The following PTPRN2 variants were observed in gnomAD, a reference collection of about 807,000 sequenced individuals.
The protein encoded by PTPRN2 is protein tyrosine phosphatase receptor type N2.
Under a neutral mutation model 118.8 loss-of-function variants are expected in PTPRN2, and 74 were observed. The observed-to-expected ratio is 0.62, with a 90% CI of 0.52 to 0.76. The LOEUF (loss-of-function observed/expected upper bound fraction) is 0.76, where lower values mean the gene tolerates loss of function less well. Ranked by LOEUF, PTPRN2 falls within the 30% of genes least tolerant of loss-of-function variation. The pLI is 0.00. For synonymous variants in PTPRN2, 641 were observed against 608.0 expected (o/e 1.05, Z -0.80); for missense variants, 1,481 against 1,394.4 (o/e 1.06, Z -0.99).
intron 6 of PTPRN2, among the ~76,000 whole-genome samples, chr7:158,148,980 C>G (rs71543649): frequency 3.0e-5 from 4 of 131,202 alleles, no homozygotes; most frequent in Admixed American, 7.4e-5. Flanking sequence ...GACACCCCAT[C>G]TCACGCCACA....
At chr7:158,318,874 AC>A (rs1802572469) in intron 2 of PTPRN2, among the ~76,000 whole-genome samples, 1 of 152,250 alleles carries the variant, frequency 6.6e-6, no homozygotes. Flanking sequence ...TAAGAGAAGC[AC>A]ATCTGTGAGT....
intron 3 of PTPRN2, among the ~76,000 whole-genome samples, chr7:158,315,774 C>T (rs758329951): frequency 1.2e-4 from 19 of 152,206 alleles, no homozygotes; most frequent in Non-Finnish European, 1.9e-4. Flanking sequence ...ATTAGATAGA[C>T]GTCTATGAAG....
At chr7:158,387,523 C>A in intron 2 of PTPRN2, among the ~76,000 whole-genome samples, 2 of 152,310 alleles carry the variant, frequency 1.3e-5, no homozygotes, top group African/African-American at 4.8e-5. Flanking sequence ...GGAAAGCACT[C>A]TCTGGGTCCT....
chr7:157,811,411 G>A (rs560495965), intron 12 of PTPRN2, among the ~76,000 whole-genome samples: 27 of 149,754 alleles, frequency 1.8e-4, no homozygotes, highest in African/African-American at 3.9e-4. Flanking sequence ...AAATCTCCAC[G>A]TGAAGTAGAT....
intron 2 of PTPRN2, among the ~76,000 whole-genome samples, chr7:158,337,182 C>A (rs1173599090): frequency 6.6e-6 from 1 of 152,102 alleles, no homozygotes; most frequent in African/African-American, 2.4e-5. Context: ...ACGTCACTCA[C>A]ACCGACACTC....
chr7:158,129,574 ACACAC>A (rs1029490975), intron 9 of PTPRN2, among the ~76,000 whole-genome samples: 5 of 151,894 alleles, frequency 3.3e-5, no homozygotes, highest in Non-Finnish European at 7.4e-5. Flanking sequence ...CACATGCAAC[ACACAC>A]CACACATCAC....
chr7:158,253,373 T>C (rs1796812259), intron 3 of PTPRN2, among the ~76,000 whole-genome samples: 2 of 152,242 alleles, frequency 1.3e-5, no homozygotes, highest in African/African-American at 2.4e-5. Flanking sequence ...GTGTTTCTTT[T>C]AACAACGTGC....
intron 12 of PTPRN2, among the ~76,000 whole-genome samples, chr7:157,759,024 C>A (rs886390306): frequency 6.6e-6 from 1 of 152,222 alleles, no homozygotes; most frequent in Non-Finnish European, 1.5e-5. Flanking sequence ...CAAGTCACAT[C>A]AAATAATTCC....
chr7:158,195,614 G>GT (rs200845569), intron 4 of PTPRN2, among the ~76,000 whole-genome samples: 7 of 113,240 alleles, frequency 6.2e-5, no homozygotes, highest in South Asian at 2.7e-4. Flanking sequence ...GCTCACTGGT[G>GT]TTTTTTATTT....
chr7:158,291,089 C>A (rs1216073999), intron 3 of PTPRN2, among the ~76,000 whole-genome samples: 1 of 152,188 alleles, frequency 6.6e-6, no homozygotes, highest in Non-Finnish European at 1.5e-5. Context: ...GAGTTGAGAA[C>A]CTCATGGCAG....
intron 6 of PTPRN2, among the ~76,000 whole-genome samples, chr7:158,148,977 C>A (rs1272276760): frequency 7.6e-6 from 1 of 131,886 alleles, no homozygotes; most frequent in Non-Finnish European, 1.6e-5. Context: ...AATGACACCC[C>A]ATCTCACGCC....
At chr7:157,915,562 C>T (rs1016607249) in intron 11 of PTPRN2, among the ~76,000 whole-genome samples, 5 of 151,882 alleles carry the variant, frequency 3.3e-5, no homozygotes, top group African/African-American at 1.2e-4. Context: ...TCACCATTAC[C>T]CTGCAGTCAT....
chr7:157,719,242 A>T (rs1224286312), intron 12 of PTPRN2, among the ~76,000 whole-genome samples: 1 of 152,220 alleles, frequency 6.6e-6, no homozygotes, highest in Non-Finnish European at 1.5e-5. Context: ...CTGAGCTTCC[A>T]GGCCCCTCGT....
At chr7:158,455,822 A>G in intron 2 of PTPRN2, among the ~76,000 whole-genome samples, 1 of 149,232 alleles carries the variant, frequency 6.7e-6, no homozygotes, top group Non-Finnish European at 1.5e-5. Context: ...CACAGATGCC[A>G]TCGGCCACGG....
chr7:158,433,231 T>C (rs916511890), intron 2 of PTPRN2, among the ~76,000 whole-genome samples: 2 of 152,264 alleles, frequency 1.3e-5, no homozygotes, highest in Admixed American at 1.3e-4. Context: ...TTGTAAGCTG[T>C]TATAAATCAA....
intron 3 of PTPRN2, among the ~76,000 whole-genome samples, chr7:158,230,550 AT>A (rs1295553368): frequency 6.6e-6 from 1 of 151,928 alleles, no homozygotes; most frequent in South Asian, 2.1e-4. Flanking sequence ...GTTTTTTTTC[AT>A]TTTTTTCTTT....
rs10237563 is a variant in PTPRN2, at chr7:158,277,193, T to C, written c.277+39626A>G. Among the ~76,000 whole-genome samples, 586 of 152,342 alleles carry C rather than the reference T, an allele frequency of 3.8e-3. 5 individuals are homozygous for C. The highest frequency in any genetic ancestry group is 0.013 in the African/African-American group (554 of 41,586). On this transcript the variant is annotated intron_variant, in intron 3 of 22. Transcript: ENST00000389418. ...CATGCTCTTCTCACGTCGCAGTGGATTTCTCTTGCACTGTTGCTTTAAGAA... is the reference window on the plus strand; with the variant it reads ...CATGCTCTTCTCACGTCGCAGTGGACTTCTCTTGCACTGTTGCTTTAAGAA...
chr7:158,455,975 A>C (rs1818449971), intron 2 of PTPRN2, among the ~76,000 whole-genome samples: 1 of 150,824 alleles, frequency 6.6e-6, no homozygotes, highest in Admixed American at 6.6e-5. Flanking sequence ...CATGGACGCC[A>C]TCGGCCACGG....
At chr7:157,640,542 T>C (rs1438183210) in intron 14 of PTPRN2, among the ~76,000 whole-genome samples, 1 of 152,176 alleles carries the variant, frequency 6.6e-6, no homozygotes, top group African/African-American at 2.4e-5. Context: ...GATTCAGGAA[T>C]CACAGTAAGT....
Sources: allele counts gnomAD v4.1 joint callset (sites outside exome capture counted in the v4.1 genomes callset), GRCh38; gene constraint gnomAD v4.1.1; transcripts MANE v1.5; gene names NCBI Gene and HGNC (gene_info 2026-07-23, HGNC 2026-07-21).